Variants in RPTOR observed in about 807,000 individuals in gnomAD.
The protein encoded by RPTOR is regulatory-associated protein of mTOR.
A neutral mutation model predicts 169.9 loss-of-function variants in RPTOR; 21 were observed. The ratio of observed to expected loss-of-function variants is 0.12; its 90% CI spans 0.09 to 0.18. RPTOR has a LOEUF of 0.18. Ranked by LOEUF, RPTOR falls within the 10% of genes least tolerant of loss-of-function variation. The probability of loss-of-function intolerance (pLI) is 1.00; values close to 1 mark genes in which losing one functional copy is unlikely to be tolerated. For synonymous variants in RPTOR, 732 were observed against 753.2 expected, an observed-to-expected ratio of 0.97 and a Z score of 0.46; for missense variants, 1,133 against 1,855.9, an observed-to-expected ratio of 0.61 and a Z score of 7.16.
chr17:80,822,289 G>A lies in RPTOR; in HGVS notation c.979G>A (p.Val327Met), dbSNP rs138579924. The change falls in exon 8 of 34, where the codon GTG becomes ATG. Residue 327 changes from valine (V) to methionine (M), a missense_variant. Around this residue, in one of 9 missense-constraint regions of RPTOR, gnomAD observed 289 missense variants for 585.8 expected, o/e 0.49. Transcript: ENST00000306801. Reference sequence around the variant, plus strand: ...CATCACAGACACCATCGCGTGGAACGTGCTCCCCCGGGGTGAGGCGCGGGC... The same window carrying A: ...CATCACAGACACCATCGCGTGGAACATGCTCCCCCGGGGTGAGGCGCGGGC... Reference protein sequence around the residue: ...TAITDTIAWNVLPRDLFQKLF... With the variant: ...TAITDTIAWNMLPRDLFQKLF... The A allele has an allele frequency of 5.6e-6, 9 of 1,614,016 alleles. No individual in the cohort carries two copies. The African/African-American group carries it at 6.7e-5, about 12-fold the overall frequency.
intron 6 of RPTOR, among the ~76,000 whole-genome samples, chr17:80,760,520 TCAAA>T (rs2066726105): frequency 1.3e-5 from 2 of 152,214 alleles, no homozygotes; most frequent in African/African-American, 4.8e-5. Context: ...CAGGCTGGCA[TCAAA>T]CTCCTGACCT....
chr17:80,798,360 G>C (rs541661580), intron 7 of RPTOR, among the ~76,000 whole-genome samples: 1 of 152,312 alleles, frequency 6.6e-6, no homozygotes, highest in African/African-American at 2.4e-5. Context: ...GGCCAGCAGG[G>C]CCACGCCACC....
chr17:80,897,335 C>T (rs887534511), intron 20 of RPTOR, among the ~76,000 whole-genome samples: 1 of 152,016 alleles, frequency 6.6e-6, no homozygotes, highest in South Asian at 2.1e-4. Context: ...TTTGATACGA[C>T]ATTTGCTGTA....
intron 4 of RPTOR, among the ~76,000 whole-genome samples, chr17:80,711,888 C>G (rs1054794580): frequency 2.6e-5 from 4 of 151,646 alleles, no homozygotes; most frequent in African/African-American, 9.7e-5. Context: ...GGATTACAGG[C>G]GCCCGCCGCC....
At chr17:80,585,186 TATTATTATTATTATTA>T (rs2065048641) in intron 1 of RPTOR, among the ~76,000 whole-genome samples, 1 of 148,440 alleles carries the variant, frequency 6.7e-6, no homozygotes, top group African/African-American at 2.5e-5. Flanking sequence ...TTATTATTAT[TATTATTATTATTATTA>T]TTTTTGTTTT....
rs1486635195 is a variant in RPTOR, at chr17:80,849,020, G to A, written c.1314+2446G>A. 4.6e-5 allele frequency among the ~76,000 whole-genome samples: 7 copies of A among 152,280 alleles called. No individual in the cohort carries two copies. In the East Asian group the frequency reaches 7.7e-4, roughly 17 times the overall value. On this transcript the variant is annotated intron_variant, in intron 11 of 33. Coordinates refer to ENST00000306801, the MANE Select transcript of RPTOR (RefSeq NM_020761.3). ...GTCTGTTTCCTGGCTGTGCCCAGCCGGGATCAATGGGCGGACCTCCACCTA... is the reference window on the plus strand; with the variant it reads ...GTCTGTTTCCTGGCTGTGCCCAGCCAGGATCAATGGGCGGACCTCCACCTA...
At chr17:80,834,831 G>A (rs1567938653) in intron 9 of RPTOR, among the ~76,000 whole-genome samples, 1 of 152,196 alleles carries the variant, frequency 6.6e-6, no homozygotes, top group African/African-American at 2.4e-5. Context: ...CAGGTGCCAC[G>A]CTGGTCTGCT....
intron 1 of RPTOR, among the ~76,000 whole-genome samples, chr17:80,573,256 TCA>T (rs1260585488): frequency 2.0e-5 from 3 of 152,206 alleles, no homozygotes; most frequent in Non-Finnish European, 4.4e-5. Flanking sequence ...CTTTTGTTCT[TCA>T]TATAGGTTTA....
intron 1 of RPTOR, among the ~76,000 whole-genome samples, chr17:80,579,113 C>G (rs952034628): frequency 3.3e-5 from 5 of 152,222 alleles, no homozygotes; most frequent in Admixed American, 1.3e-4. Flanking sequence ...GGGATCTGAG[C>G]CTCCTGTGCT....
At position 80,857,858 on chromosome 17, in the gene RPTOR, A is replaced by T; in HGVS notation, c.1467A>T (p.Pro489=). The T allele has an allele frequency of 6.2e-7, 1 of 1,613,152 alleles. No homozygotes were observed. Among genetic ancestry groups the T allele is most frequent in the Non-Finnish European group, 8.5e-7 (1 of 1,179,886 alleles). The change falls in exon 13 of 34, where the codon CCA becomes CCT. Residue 489 remains proline, a synonymous_variant. Coordinates refer to ENST00000306801, the MANE Select transcript of RPTOR (RefSeq NM_020761.3). ...LLQSSARELR[P]LLVFIWAKIL... Reference sequence around the variant, plus strand: ...AGAGCTCGGCCCGAGAGCTGCGGCCACTTCTCGTTTTCATCTGGGCCAAGA... The same window carrying T: ...AGAGCTCGGCCCGAGAGCTGCGGCCTCTTCTCGTTTTCATCTGGGCCAAGA...
intron 1 of RPTOR, among the ~76,000 whole-genome samples, chr17:80,578,027 A>G (rs1259584414): frequency 6.6e-6 from 1 of 152,190 alleles, no homozygotes; most frequent in East Asian, 1.9e-4. Flanking sequence ...CTGAGGGCGG[A>G]GATAGCCTCT....
Position 80,726,260 on chromosome 17 carries a change from A to C in RPTOR, c.508-4300A>C, listed in dbSNP as rs1403607648. Among the ~76,000 whole-genome samples the C allele has an allele frequency of 1.3e-5, 2 of 152,200 alleles. No homozygotes were observed. Among genetic ancestry groups the C allele is most frequent in the Non-Finnish European group, 2.9e-5 (2 of 68,030 alleles). On this transcript the variant is annotated intron_variant, in intron 4 of 33. Coordinates refer to ENST00000306801, the MANE Select transcript of RPTOR (RefSeq NM_020761.3). This position sits in a 1 kb window ranked among gnomAD's most constrained non-coding sequence, Gnocchi z 4.5. ...CCTAGAGCAGAGACCAACTGGGGCCATCCATGGCCCTGTGCCGTGCTGCCT... is the reference window on the plus strand; with the variant it reads ...CCTAGAGCAGAGACCAACTGGGGCCCTCCATGGCCCTGTGCCGTGCTGCCT...
At position 80,707,554 on chromosome 17, in the gene RPTOR, ATTTTTTT is replaced by A. The variant is rs202218038; in HGVS notation, c.349-279_349-273del. On this transcript the variant is annotated intron_variant, in intron 3 of 33. Coordinates refer to ENST00000306801, the MANE Select transcript of RPTOR (RefSeq NM_020761.3). The surrounding 1 kb of genome is among the most constrained non-coding windows in gnomAD (Gnocchi z 5.0). The stretch of plus-strand genomic sequence containing the variant: ...AGGTGTGTGCCACCACACCTGGCTA[ATTTTTTT>A]TTTTTTTAATTGTAGAGATGGGGTC... 6.9e-6 allele frequency among the ~76,000 whole-genome samples: 1 copy of A among 144,036 alleles called. No homozygotes were observed. The highest frequency in any genetic ancestry group is 6.9e-5 in the Admixed American group (1 of 14,446). The allele number at this position is 144,036 out of a possible 152,430, so 94.5% of individuals were successfully genotyped here. A position where few individuals can be genotyped will look rare whatever the true frequency, so the allele number is the denominator to read the frequency against.
intron 1 of RPTOR, among the ~76,000 whole-genome samples, chr17:80,594,162 C>T (rs918485379): frequency 1.4e-4 from 22 of 152,136 alleles, no homozygotes; most frequent in African/African-American, 5.1e-4. Flanking sequence ...GGTGCGATCT[C>T]GGCTCACCAC....
intron 17 of RPTOR, among the ~76,000 whole-genome samples, chr17:80,889,899 G>A (rs1232296390): frequency 1.7e-5 from 2 of 120,738 alleles, no homozygotes; most frequent in African/African-American, 3.1e-5. Context: ...GCCCCCGTAC[G>A]CAGCAGGATG....
chr17:80,705,803 G>C (rs1320343256), intron 3 of RPTOR, among the ~76,000 whole-genome samples: 1 of 152,108 alleles, frequency 6.6e-6, no homozygotes, highest in Non-Finnish European at 1.5e-5. Context: ...CCGAAATGCT[G>C]GGATTCCAGG....
chr17:80,883,518 C>T, intron 15 of RPTOR, 34 bp downstream of exon 15: 1 of 1,604,994 alleles, frequency 6.2e-7, no homozygotes, highest in Non-Finnish European at 8.5e-7. Flanking sequence ...CCCCAGAGCT[C>T]ACCCTTGGCA....
intron 8 of RPTOR, among the ~76,000 whole-genome samples, chr17:80,822,806 G>A (rs548144136): frequency 1.4e-5 from 2 of 146,506 alleles, no homozygotes; most frequent in Non-Finnish European, 3.0e-5. Flanking sequence ...GTGTATTTGT[G>A]TATGCGTGCC....
rs184787534 is a variant in RPTOR, at chr17:80,860,342, G to A, written c.1509+2442G>A. On this transcript the variant is annotated intron_variant, in intron 13 of 33. Transcript: ENST00000306801. The surrounding 1 kb of genome is among the most constrained non-coding windows in gnomAD (Gnocchi z 5.8). ...ACCCCGAGCCACAGGCTCGTACCCC[G>A]CACTGTGCGCTCTCACCCGTCAGCC... Among the ~76,000 whole-genome samples the A allele has an allele frequency of 2.6e-4, 39 of 152,278 alleles. No individual in the cohort carries two copies. The highest frequency in any genetic ancestry group is 2.8e-4 in the Non-Finnish European group (19 of 68,004).
Sources: gnomAD v4.1 joint callset for allele counts (sites outside exome capture counted in the v4.1 genomes callset) on GRCh38, gnomAD v4.1.1 for gene constraint, gnomAD v4.1.1 regional missense constraint, Gnocchi (gnomAD v3.1) non-coding constraint, MANE v1.5 for transcripts, NCBI Gene and HGNC (gene_info 2026-07-23, HGNC 2026-07-21) for gene names.